The following POU6F2 variants were observed in gnomAD, a reference collection of about 807,000 sequenced individuals.
POU6F2 encodes the protein POU domain, class 6, transcription factor 2.
POU6F2 carries 31 observed loss-of-function variants against 71.3 expected under a neutral mutation model. That is an observed-to-expected ratio of 0.43 (90% CI 0.33 to 0.59). POU6F2 has a LOEUF of 0.59. Among genes scored for constraint, POU6F2 ranks in the 20% least tolerant of loss-of-function variants. The pLI is 0.04. For missense variants in POU6F2, 783 were observed against 856.8 expected (o/e 0.91, Z 1.07); for synonymous variants, 347 against 355.7 (o/e 0.98, Z 0.27).
Position 39,345,218 on chromosome 7 carries a change from A to G in POU6F2, c.972+5203A>G, listed in dbSNP as rs376418241. 2.9e-4 allele frequency among the ~76,000 whole-genome samples: 44 copies of G among 152,284 alleles called. No homozygotes were observed. The South Asian group carries it at 8.1e-3, about 28-fold the overall frequency. ...AAAATATTGTAGTAAGGTCTTATTC[A>G]TCTTGATTACTACGTTTCTGGACAC... is the stretch of plus-strand genomic sequence containing the variant. On this transcript the variant is annotated intron_variant, in intron 5 of 9. Transcript: ENST00000518318.
intron 4 of POU6F2, among the ~76,000 whole-genome samples, chr7:39,325,471 G>A (rs574192327): frequency 4.5e-4 from 69 of 152,324 alleles, no homozygotes; most frequent in African/African-American, 1.3e-3. Context: ...AGAAAGATTC[G>A]TGGCGATGTG....
intron 2 of POU6F2, among the ~76,000 whole-genome samples, chr7:39,123,327 G>A (rs774184397): frequency 6.6e-6 from 1 of 152,178 alleles, no homozygotes; most frequent in Non-Finnish European, 1.5e-5. Context: ...AAACTGAAAG[G>A]TTGGGTGCTT....
At chr7:39,007,360 T>C (rs1270346557) in intron 1 of POU6F2, among the ~76,000 whole-genome samples, 1 of 152,160 alleles carries the variant, frequency 6.6e-6, no homozygotes, top group Admixed American at 6.5e-5. Flanking sequence ...GTTGGGTCAG[T>C]AATACCCACA....
chr7:39,169,324 T>C (rs1368202913), intron 2 of POU6F2, among the ~76,000 whole-genome samples: 2 of 152,230 alleles, frequency 1.3e-5, no homozygotes, highest in Non-Finnish European at 2.9e-5. Flanking sequence ...TACTTCACTA[T>C]TTTAAAGCCA....
intron 2 of POU6F2, among the ~76,000 whole-genome samples, chr7:39,201,915 C>T (rs1287380344): frequency 1.3e-5 from 2 of 152,114 alleles, no homozygotes; most frequent in African/African-American, 4.8e-5. Context: ...CAAGGTTATG[C>T]GTGATACATC....
At position 39,459,453 on chromosome 7, in the gene POU6F2, G is replaced by GTTTGGTT. The variant is rs1373775916; in HGVS notation, c.1490-1091_1490-1090insGGTTTTT. Among the ~76,000 whole-genome samples the GTTTGGTT allele has an allele frequency of 3.2e-3, 114 of 36,004 alleles. 1 individual carries two copies. The highest frequency in any genetic ancestry group is 0.013 in the African/African-American group (107 of 8,474). 23.6% of individuals were successfully genotyped at this position (36,004 alleles called of 152,430 possible). A position where few individuals can be genotyped will look rare whatever the true frequency, so the allele number is the denominator to read the frequency against. On this transcript the variant is annotated intron_variant, in intron 8 of 9. Transcript: ENST00000518318. ...GCGTGCAAATGTTCTGGTTTTGTGG[G>GTTTGGTT]TTTTGTTTTGTTTTGTTTTGTTTTG... is the stretch of plus-strand genomic sequence containing the variant.
At chr7:39,274,073 A>C (rs1016961392) in intron 4 of POU6F2, among the ~76,000 whole-genome samples, 1 of 152,160 alleles carries the variant, frequency 6.6e-6, no homozygotes, top group Non-Finnish European at 1.5e-5. Context: ...CCTTCAAACT[A>C]CTTACCAAAA....
At chr7:39,421,052 A>G (rs1415865836) in intron 6 of POU6F2, among the ~76,000 whole-genome samples, 3 of 152,198 alleles carry the variant, frequency 2.0e-5, no homozygotes, top group Non-Finnish European at 4.4e-5. Context: ...TTGGAAGAGT[A>G]TATCCAGCCC....
At chr7:39,313,001 G>A (rs954153650) in intron 4 of POU6F2, among the ~76,000 whole-genome samples, 2 of 152,164 alleles carry the variant, frequency 1.3e-5, no homozygotes, top group Non-Finnish European at 2.9e-5. Context: ...GATAAGGGGG[G>A]ACTGCTGTAC....
chr7:39,347,766 G>A (rs1477480039), intron 5 of POU6F2, among the ~76,000 whole-genome samples: 1 of 113,336 alleles, frequency 8.8e-6, no homozygotes, highest in Non-Finnish European at 2.1e-5. Flanking sequence ...CGAGCGTCTG[G>A]GACTACAGGC....
At chr7:39,288,873 C>G (rs572915203) in intron 4 of POU6F2, among the ~76,000 whole-genome samples, 4 of 152,256 alleles carry the variant, frequency 2.6e-5, no homozygotes, top group African/African-American at 9.6e-5. Context: ...GCTCTTCAGC[C>G]TCTGCCTATT....
intron 6 of POU6F2, among the ~76,000 whole-genome samples, chr7:39,408,316 T>C (rs1487430474): frequency 2.0e-5 from 3 of 152,248 alleles, no homozygotes; most frequent in African/African-American, 7.2e-5. Context: ...TACACTGATA[T>C]GCTCCATCAC....
chr7:39,231,780 GCGC>G (rs35058619), intron 4 of POU6F2, among the ~76,000 whole-genome samples: 15,046 of 152,070 alleles, frequency 0.099, 812 homozygotes, highest in Middle Eastern at 0.15. Flanking sequence ...ATGACTGTGT[GCGC>G]CCCACTGGCC....
chr7:39,254,158 C>T (rs1185509165), intron 4 of POU6F2, among the ~76,000 whole-genome samples: 1 of 152,136 alleles, frequency 6.6e-6, no homozygotes, highest in Admixed American at 6.5e-5. Flanking sequence ...TGACCCTCAG[C>T]ACAGATTCTT....
At chr7:38,998,009 C>A (rs1444663149) in intron 1 of POU6F2, among the ~76,000 whole-genome samples, 1 of 152,174 alleles carries the variant, frequency 6.6e-6, no homozygotes, top group Non-Finnish European at 1.5e-5. Context: ...CCACTTTTGA[C>A]TGGTCTCTAA....
intron 6 of POU6F2, among the ~76,000 whole-genome samples, chr7:39,407,220 G>A (rs1391511171): frequency 1.3e-5 from 2 of 151,860 alleles, no homozygotes; most frequent in Admixed American, 1.3e-4. Flanking sequence ...TGATGAAGAA[G>A]TCTTGTAAAA....
intron 2 of POU6F2, among the ~76,000 whole-genome samples, chr7:39,091,612 G>T (rs1026032997): frequency 6.6e-6 from 1 of 152,062 alleles, no homozygotes; most frequent in Admixed American, 6.6e-5. Flanking sequence ...TGACTTAAAG[G>T]TTACATGGTA....
At chr7:39,337,968 T>C (rs948760233) in intron 4 of POU6F2, among the ~76,000 whole-genome samples, 1 of 152,240 alleles carries the variant, frequency 6.6e-6, no homozygotes, top group Non-Finnish European at 1.5e-5. Context: ...CCAACATCTA[T>C]CTGCCAATAT....
intron 2 of POU6F2, among the ~76,000 whole-genome samples, chr7:39,172,751 G>T (rs1244623230): frequency 6.6e-6 from 1 of 151,594 alleles, no homozygotes; most frequent in East Asian, 1.9e-4. Flanking sequence ...TTCCCAAGTA[G>T]CTGGGACTAC....
Sources: allele counts gnomAD v4.1 joint callset (sites outside exome capture counted in the v4.1 genomes callset), GRCh38; gene constraint gnomAD v4.1.1; transcripts MANE v1.5; gene names NCBI Gene and HGNC (gene_info 2026-07-23, HGNC 2026-07-21).